The following MAD1L1 variants were observed in gnomAD, a reference collection of about 807,000 sequenced individuals.
MAD1L1 encodes the protein mitotic spindle assembly checkpoint protein MAD1.
Under a neutral mutation model 96.9 loss-of-function variants are expected in MAD1L1, and 95 were observed. The observed-to-expected ratio is 0.98, with a 90% CI of 0.83 to 1.16. MAD1L1 has a LOEUF of 1.16. MAD1L1 is among the 50% of genes most tolerant of loss of function. The probability of loss-of-function intolerance (pLI) is 0.00; values close to 1 mark genes in which losing one functional copy is unlikely to be tolerated. For missense variants in MAD1L1, 1,007 were observed against 954.4 expected, an observed-to-expected ratio of 1.06 and a Z score of -0.73; for synonymous variants, 473 against 396.6, an observed-to-expected ratio of 1.19 and a Z score of -2.29.
chr7:1,992,421 A>ACTGCTCT (rs1781394893), intron 14 of MAD1L1, among the ~76,000 whole-genome samples: 1 of 152,224 alleles, frequency 6.6e-6, no homozygotes, highest in Admixed American at 6.5e-5. Context: ...GAAGATGGCA[A>ACTGCTCT]CTGCTCTCTG....
At chr7:1,947,679 C>T (rs1023639250) in intron 16 of MAD1L1, among the ~76,000 whole-genome samples, 4 of 152,190 alleles carry the variant, frequency 2.6e-5, no homozygotes, top group Non-Finnish European at 5.9e-5. Context: ...TTGGCCTTCC[C>T]ATCTCCTGCC....
At chr7:2,004,749 T>C (rs1246225244) in intron 13 of MAD1L1, among the ~76,000 whole-genome samples, 1 of 152,248 alleles carries the variant, frequency 6.6e-6, no homozygotes, top group Non-Finnish European at 1.5e-5. Flanking sequence ...CTGAGTGATG[T>C]GTGTCTGAAG....
At chr7:2,124,117 G>A (rs1272726371) in intron 11 of MAD1L1, among the ~76,000 whole-genome samples, 3 of 152,202 alleles carry the variant, frequency 2.0e-5, no homozygotes, top group Non-Finnish European at 4.4e-5. Context: ...ATGCAGCCGG[G>A]AGCCCCCAGC....
At chr7:1,860,280 C>T (rs1392170334) in intron 18 of MAD1L1, among the ~76,000 whole-genome samples, 6 of 138,542 alleles carry the variant, frequency 4.3e-5, no homozygotes, top group Admixed American at 2.9e-4. Flanking sequence ...TGACATCCTG[C>T]GGGGCGGCCT....
At chr7:1,852,084 C>T (rs901679842) in intron 18 of MAD1L1, among the ~76,000 whole-genome samples, 1 of 152,182 alleles carries the variant, frequency 6.6e-6, no homozygotes, top group Admixed American at 6.5e-5. Context: ...GGGAGGGGCC[C>T]TCCTGAGGCC....
intron 18 of MAD1L1, among the ~76,000 whole-genome samples, chr7:1,888,349 T>C (rs533279889): frequency 3.3e-5 from 5 of 149,782 alleles, no homozygotes; most frequent in South Asian, 2.1e-4. Context: ...TGCCTGTGCA[T>C]GTGTGTGCAT....
chr7:2,095,301 C>T (rs898928399), intron 11 of MAD1L1, among the ~76,000 whole-genome samples: 4 of 152,290 alleles, frequency 2.6e-5, no homozygotes, highest in Admixed American at 1.3e-4. Flanking sequence ...GCCTCGGCCT[C>T]CCAAAGTGCT....
intron 13 of MAD1L1, 30 bp downstream of exon 13, chr7:2,014,472 G>A (rs947860720): frequency 2.8e-5 from 42 of 1,524,148 alleles, no homozygotes; most frequent in South Asian, 1.6e-4. Flanking sequence ...CCCACCTGGC[G>A]ACGTGAGCCC....
chr7:2,211,199 C>G (rs1792928174), intron 10 of MAD1L1, among the ~76,000 whole-genome samples: 1 of 152,168 alleles, frequency 6.6e-6, no homozygotes, highest in African/African-American at 2.4e-5. Context: ...CCCTCCTCTC[C>G]CTCATCCAGG....
chr7:2,062,832 G>T (rs1784721225), intron 12 of MAD1L1, among the ~76,000 whole-genome samples: 1 of 152,148 alleles, frequency 6.6e-6, no homozygotes, highest in South Asian at 2.1e-4. Flanking sequence ...CACACGTCAG[G>T]TCACTAAACC....
At chr7:2,136,043 G>A (rs1166900641) in intron 11 of MAD1L1, among the ~76,000 whole-genome samples, 1 of 151,930 alleles carries the variant, frequency 6.6e-6, no homozygotes, top group Non-Finnish European at 1.5e-5. Flanking sequence ...TTCTCCTAGA[G>A]CCCCTATGTC....
intron 15 of MAD1L1, among the ~76,000 whole-genome samples, chr7:1,972,754 C>T (rs1370127187): frequency 6.6e-6 from 1 of 152,050 alleles, no homozygotes; most frequent in African/African-American, 2.4e-5. Flanking sequence ...GAGATAGGAA[C>T]ATAAATTAAG....
At chr7:2,071,035 G>A (rs1279131983) in intron 11 of MAD1L1, among the ~76,000 whole-genome samples, 14 of 149,636 alleles carry the variant, frequency 9.4e-5, no homozygotes, top group African/African-American at 2.7e-4. Context: ...TTTCTTGGGA[G>A]GTGGTTTGGG....
At chr7:2,039,639 C>G (rs1298985204) in intron 12 of MAD1L1, among the ~76,000 whole-genome samples, 1 of 152,128 alleles carries the variant, frequency 6.6e-6, no homozygotes, top group Non-Finnish European at 1.5e-5. Flanking sequence ...TAACTGTCAT[C>G]TGTATATGTT....
chr7:1,927,182 G>C (rs1789137044), intron 17 of MAD1L1, among the ~76,000 whole-genome samples: 2 of 152,126 alleles, frequency 1.3e-5, no homozygotes, highest in African/African-American at 4.8e-5. Context: ...TAACAAAAAA[G>C]GGGTGGGTGG....
chr7:1,920,668 A>T (rs6951210), intron 17 of MAD1L1, among the ~76,000 whole-genome samples: 26 of 152,142 alleles, frequency 1.7e-4, no homozygotes, highest in Non-Finnish European at 3.7e-4. Context: ...AGTCAGCCAC[A>T]TGTGCTGTCT....
chr7:1,957,578 A>G, intron 16 of MAD1L1, 51 bp downstream of exon 16: 1 of 1,572,954 alleles, frequency 6.4e-7, no homozygotes, highest in Non-Finnish European at 8.7e-7. Context: ...CGACGCCCAA[A>G]GAAATGAGAG....
intron 16 of MAD1L1, 24 bp from the exon 17 acceptor site, chr7:1,936,921 G>C (rs981512551): frequency 2.1e-5 from 33 of 1,549,714 alleles, no homozygotes; most frequent in Non-Finnish European, 2.8e-5. Context: ...CACAGCACAG[G>C]TCACCATGGC....
chr7:2,149,948 C>T (rs1303088707), intron 10 of MAD1L1, among the ~76,000 whole-genome samples: 1 of 152,228 alleles, frequency 6.6e-6, no homozygotes, highest in African/African-American at 2.4e-5. Flanking sequence ...ACCTGGGGCA[C>T]AAAGCCAAGG....
Sources: gnomAD v4.1 joint callset for allele counts (sites outside exome capture counted in the v4.1 genomes callset) on GRCh38, gnomAD v4.1.1 for gene constraint, MANE v1.5 for transcripts, NCBI Gene and HGNC (gene_info 2026-07-23, HGNC 2026-07-21) for gene names.